The following CDH4 variants were observed in gnomAD, a reference collection of about 807,000 sequenced individuals.
CDH4 encodes cadherin 4, also known as cadherin-4.
A neutral mutation model predicts 86.0 loss-of-function variants in CDH4; 33 were observed. The observed-to-expected ratio is 0.38, with a 90% CI of 0.29 to 0.51. CDH4 has a LOEUF of 0.51. Among genes scored for constraint, CDH4 ranks in the 20% least tolerant of loss-of-function variants. The pLI is 0.86. For synonymous variants in CDH4, 555 were observed against 549.4 expected, an observed-to-expected ratio of 1.01 and a Z score of -0.14; for missense variants, 1,114 against 1,307.4, an observed-to-expected ratio of 0.85 and a Z score of 2.28.
At chr20:61,928,133 G>A in intron 11 of CDH4, 57 bp from the exon 12 acceptor site, 1 of 1,311,896 alleles carries the variant, frequency 7.6e-7, no homozygotes, top group Non-Finnish European at 1.1e-6. Context: ...GTGGAGCTGT[G>A]GGTTGGTCAT....
chr20:61,920,798 T>C (rs1451065616), intron 9 of CDH4, among the ~76,000 whole-genome samples: 3 of 147,070 alleles, frequency 2.0e-5, no homozygotes, highest in African/African-American at 5.1e-5. Flanking sequence ...ATCATGGTGA[T>C]TGCGTGGAAG....
intron 2 of CDH4, among the ~76,000 whole-genome samples, chr20:61,733,624 T>C (rs1404659761): frequency 1.4e-5 from 2 of 147,836 alleles, no homozygotes; most frequent in East Asian, 4.0e-4. Flanking sequence ...AGGGAGGAAA[T>C]GGGTACACGA....
At position 61,506,239 on chromosome 20, in the gene CDH4, C is replaced by T. The variant is rs554615625; in HGVS notation, c.170-237324C>T. ...CGCTCATGCATCTTCTTTGCATATG[C>T]GGTGCATGCAAAAAACAAAACTCTA... On this transcript the variant is annotated intron_variant, in intron 2 of 15. Transcript: ENST00000614565. 5.9e-5 allele frequency among the ~76,000 whole-genome samples: 9 copies of T among 152,276 alleles called. No individual in the cohort carries two copies. In the South Asian group the frequency reaches 1.0e-3, roughly 18 times the overall value.
At chr20:61,893,022 AGG>A (rs1984892532) in intron 7 of CDH4, among the ~76,000 whole-genome samples, 4 of 12,310 alleles carry the variant, frequency 3.2e-4, no homozygotes, top group Admixed American at 9.4e-4. Context: ...GGTGGGTGGG[AGG>A]GTGGATGGAT....
At position 61,321,003 on chromosome 20, in the gene CDH4, A is replaced by G. The variant is rs372251246; in HGVS notation, c.169+66066A>G. Among the ~76,000 whole-genome samples, 12 of 152,180 alleles carry G rather than the reference A, an allele frequency of 7.9e-5. No individual in the cohort carries two copies. In the East Asian group the frequency reaches 1.4e-3, roughly 17 times the overall value. Reference sequence around the variant, plus strand: ...TCTCTCCTCCAGGCTGGCTCTGTCCAGCTGCTCTAGCCTTTTAAACCCCCG... The same window carrying G: ...TCTCTCCTCCAGGCTGGCTCTGTCCGGCTGCTCTAGCCTTTTAAACCCCCG... On this transcript the variant is annotated intron_variant, in intron 2 of 15. Transcript: ENST00000614565.
intron 2 of CDH4, among the ~76,000 whole-genome samples, chr20:61,631,818 G>T (rs1019076186): frequency 2.6e-5 from 4 of 152,220 alleles, no homozygotes; most frequent in Non-Finnish European, 5.9e-5. Flanking sequence ...GTGGACAGCA[G>T]TGGGGGTGGC....
At chr20:61,899,655 C>T (rs143668770) in intron 8 of CDH4, among the ~76,000 whole-genome samples, 2,687 of 152,260 alleles carry the variant, frequency 0.018, 69 homozygotes, top group African/African-American at 0.061. Context: ...TCTTGATCTC[C>T]TGACCTCGTG....
chr20:61,546,956 G>A (rs1365875888), intron 2 of CDH4, among the ~76,000 whole-genome samples: 1 of 152,150 alleles, frequency 6.6e-6, no homozygotes, highest in Non-Finnish European at 1.5e-5. Flanking sequence ...AGGACAGGTG[G>A]TGGCTCAGAA....
intron 2 of CDH4, among the ~76,000 whole-genome samples, chr20:61,333,264 T>TACACAC (rs11467480): frequency 1.3e-5 from 2 of 150,974 alleles, no homozygotes; most frequent in African/African-American, 4.9e-5. Context: ...CACACACATG[T>TACACAC]ACACACACAC....
chr20:61,359,368 C>A (rs2084771359), intron 2 of CDH4, among the ~76,000 whole-genome samples: 1 of 152,202 alleles, frequency 6.6e-6, no homozygotes, highest in Non-Finnish European at 1.5e-5. Flanking sequence ...CCTTCCCTGT[C>A]CCGGGAGAAC....
At chr20:61,730,306 C>A (rs946820758) in intron 2 of CDH4, among the ~76,000 whole-genome samples, 4 of 152,090 alleles carry the variant, frequency 2.6e-5, no homozygotes, top group Admixed American at 2.0e-4. Context: ...GCCTGAAAGT[C>A]CCCCATGCCC....
At chr20:61,858,185 CTGTG>C (rs1286872430) in intron 6 of CDH4, among the ~76,000 whole-genome samples, 1 of 122,368 alleles carries the variant, frequency 8.2e-6, no homozygotes, top group Non-Finnish European at 1.7e-5. Flanking sequence ...GTGTGTGTCT[CTGTG>C]TGTGTCTCTG....
At chr20:61,593,771 C>A (rs78693792) in intron 2 of CDH4, among the ~76,000 whole-genome samples, 2,908 of 151,854 alleles carry the variant, frequency 0.019, 73 homozygotes, top group African/African-American at 0.057. Flanking sequence ...TGTAAAGATT[C>A]TTGGACATAG....
chr20:61,841,283 T>A (rs1228815998), intron 4 of CDH4, among the ~76,000 whole-genome samples: 1 of 152,230 alleles, frequency 6.6e-6, no homozygotes, highest in Non-Finnish European at 1.5e-5. Context: ...ACGGCGGGGC[T>A]GGTGGGCTCT....
Position 61,569,708 on chromosome 20 carries a change from C to T in CDH4, c.170-173855C>T, listed in dbSNP as rs528540467. 3.9e-5 allele frequency among the ~76,000 whole-genome samples: 6 copies of T among 152,146 alleles called. No individual in the cohort carries two copies. The South Asian group carries it at 1.0e-3, about 26-fold the overall frequency. On this transcript the variant is annotated intron_variant, in intron 2 of 15. Transcript: ENST00000614565. ...ATTTTTTTTTGAGGCGGCGACCTCC[C>T]GCTAATCAAGATGCCATCCCAGAGC...
In CDH4 at chr20:61,754,323, A is replaced by C. The variant is rs2088532599; in HGVS notation, c.396+10534A>C. Among the ~76,000 whole-genome samples, 1 of 152,070 alleles carries C rather than the reference A, an allele frequency of 6.6e-6. No individual in the cohort carries two copies. Among genetic ancestry groups the C allele is most frequent in the South Asian group, 2.1e-4 (1 of 4,828 alleles). On this transcript the variant is annotated intron_variant, in intron 3 of 15. Coordinates refer to ENST00000614565, the MANE Select transcript of CDH4 (RefSeq NM_001794.5). The surrounding 1 kb of genome is among the most constrained non-coding windows in gnomAD (Gnocchi z 4.7). The stretch of plus-strand genomic sequence containing the variant: ...CAAGGCATCCCCGAAGGCAGGGAGG[A>C]GTGTCCCCAGCCAGGGGTCCCGCCC...
chr20:61,506,462 G>A (rs370053268), intron 2 of CDH4, among the ~76,000 whole-genome samples: 15 of 152,304 alleles, frequency 9.8e-5, no homozygotes, highest in African/African-American at 3.6e-4. Context: ...TGAAGAATAC[G>A]CTACTGAATA....
intron 3 of CDH4, among the ~76,000 whole-genome samples, chr20:61,767,818 C>T (rs1600966832): frequency 6.6e-6 from 1 of 152,182 alleles, no homozygotes; most frequent in African/African-American, 2.4e-5. Flanking sequence ...GGCCCAGAAA[C>T]ACTCATGGGA....
Position 61,315,844 on chromosome 20 carries a change from C to T in CDH4, c.169+60907C>T, listed in dbSNP as rs189577879. 2.9e-3 allele frequency among the ~76,000 whole-genome samples: 446 copies of T among 152,344 alleles called. 1 individual carries two copies. Among genetic ancestry groups the T allele is most frequent in the African/African-American group, 0.01 (416 of 41,580 alleles). On this transcript the variant is annotated intron_variant, in intron 2 of 15. Coordinates refer to ENST00000614565, the MANE Select transcript of CDH4 (RefSeq NM_001794.5). ...TAAGCCTCCTGAGTAGCTAGGACTA[C>T]AGGTGTACACCACCATGTCCAGCTA...
Sources: gnomAD v4.1 joint callset for allele counts (sites outside exome capture counted in the v4.1 genomes callset) on GRCh38, gnomAD v4.1.1 for gene constraint, Gnocchi (gnomAD v3.1) non-coding constraint, MANE v1.5 for transcripts, NCBI Gene and HGNC (gene_info 2026-07-23, HGNC 2026-07-21) for gene names.